The following KLHL26 variants were observed in gnomAD, a reference collection of about 807,000 sequenced individuals.
KLHL26 encodes kelch like family member 26, also known as kelch-like protein 26.
In KLHL26, 4 loss-of-function variants were observed where a neutral mutation model predicts 7.1. The observed-to-expected ratio is 0.56, with a 90% CI of 0.28 to 1.28. KLHL26 has a LOEUF of 1.28. Among genes scored for constraint, KLHL26 ranks in the 50% most tolerant of loss-of-function variants. KLHL26 has a pLI of 0.11. For missense variants in KLHL26, 896 were observed against 924.6 expected (o/e 0.97, Z 0.40); for synonymous variants, 465 against 414.1 (o/e 1.12, Z -1.49).
chr19:18,667,604 C>T, intron 2 of KLHL26, 60 bp from the exon 3 acceptor site: 1 of 1,562,346 alleles, frequency 6.4e-7, no homozygotes. Flanking sequence ...CAGATCATTC[C>T]TGGCTGGCCA....
In KLHL26 at chr19:18,650,783, C is replaced by T. The variant is rs959556413; in HGVS notation, c.84-13478C>T. ...CAGCTTGCTGACCTTTTCTGGGAGT[C>T]GTGGCGGACGGAGTGGAGCCGTCTG... is the stretch of plus-strand genomic sequence containing the variant. On this transcript the variant is annotated intron_variant, in intron 1 of 2. Coordinates refer to ENST00000300976, the MANE Select transcript of KLHL26 (RefSeq NM_018316.3). The surrounding 1 kb of genome is among the most constrained non-coding windows in gnomAD (Gnocchi z 4.2). Among the ~76,000 whole-genome samples the T allele has an allele frequency of 6.6e-6, 1 of 152,182 alleles. No individual in the cohort carries two copies. Among genetic ancestry groups the T allele is most frequent in the African/African-American group, 2.4e-5 (1 of 41,448 alleles).
chr19:18,663,399 G>C (rs1272470648), intron 1 of KLHL26, among the ~76,000 whole-genome samples: 1 of 152,228 alleles, frequency 6.6e-6, no homozygotes, highest in Non-Finnish European at 1.5e-5. Context: ...TGTGTGCCCT[G>C]TGTTTGACGT....
At chr19:18,655,648 A>G (rs1435785163) in intron 1 of KLHL26, among the ~76,000 whole-genome samples, 3 of 125,270 alleles carry the variant, frequency 2.4e-5, no homozygotes, top group Admixed American at 2.3e-4. Flanking sequence ...GAGACGCCCC[A>G]GCATTGTCAT....
chr19:18,643,597 G>T (rs1976752775), intron 1 of KLHL26, among the ~76,000 whole-genome samples: 1 of 151,408 alleles, frequency 6.6e-6, no homozygotes, highest in Non-Finnish European at 1.5e-5. Flanking sequence ...TCCTGCCTCA[G>T]CCTCCCGAGT....
At position 18,667,813 on chromosome 19, in the gene KLHL26, C is replaced by T. The variant is rs1162359497; in HGVS notation, c.416C>T (p.Ala139Val). The change falls in exon 3 of 3, where the codon GCG (alanine) becomes GTG (valine). Residue 139 changes from alanine (A) to valine (V), a missense_variant. Ala to Val is a moderately conservative substitution (Grantham distance 64). Coordinates refer to ENST00000300976, the MANE Select transcript of KLHL26 (RefSeq NM_018316.3). The part of the protein sequence containing the change: ...DLDCVQDVLG[A>V]AVFLQMLPVV... ...GACTGCGTGCAGGACGTGCTGGGCG[C>T]GGCCGTGTTCTTGCAGATGCTGCCC... is the stretch of plus-strand genomic sequence containing the variant. The T allele has an allele frequency of 6.2e-6, 10 of 1,613,214 alleles. 1 individual carries two copies. The East Asian group carries it at 6.7e-5, about 11-fold the overall frequency.
intron 1 of KLHL26, among the ~76,000 whole-genome samples, chr19:18,647,943 C>A (rs1976834457): frequency 6.6e-6 from 1 of 152,196 alleles, no homozygotes; most frequent in Admixed American, 6.5e-5. Context: ...GACAGATGGA[C>A]CCTGCCCATG....
At chr19:18,645,265 G>A (rs1253931843) in intron 1 of KLHL26, among the ~76,000 whole-genome samples, 1 of 152,236 alleles carries the variant, frequency 6.6e-6, no homozygotes, top group East Asian at 1.9e-4. Context: ...GTGTCGCAAG[G>A]GGAGGCAAAC....
chr19:18,664,707 G>A (rs948686797), intron 2 of KLHL26, among the ~76,000 whole-genome samples: 5 of 151,830 alleles, frequency 3.3e-5, no homozygotes, highest in Admixed American at 6.6e-5. Flanking sequence ...TCAGCCTCCC[G>A]AGTAGCTGGG....
At chr19:18,638,777 C>G (rs531598855) in intron 1 of KLHL26, among the ~76,000 whole-genome samples, 1 of 151,754 alleles carries the variant, frequency 6.6e-6, no homozygotes, top group African/African-American at 2.4e-5. Flanking sequence ...CAAGGCTCAC[C>G]GCAGCCTCAA....
intron 1 of KLHL26, among the ~76,000 whole-genome samples, chr19:18,657,122 T>TTTGTCTCTGGGTCTCTGTCTCC (rs2052342590): frequency 6.6e-6 from 1 of 150,788 alleles, no homozygotes; most frequent in African/African-American, 2.4e-5. Flanking sequence ...TCTCTGTCCC[T>TTTGTCTCTGGGTCTCTGTCTCC]TTGTCTCTGG....
chr19:18,641,632 C>CT (rs11365552), intron 1 of KLHL26, among the ~76,000 whole-genome samples: 73 of 129,964 alleles, frequency 5.6e-4, no homozygotes, highest in Non-Finnish European at 8.5e-4. Flanking sequence ...TTTCTTTTTT[C>CT]TTTTTTTTTT....
At position 18,668,684 on chromosome 19, in the gene KLHL26, C is replaced by G. The variant is rs765264737; in HGVS notation, c.1287C>G (p.Ser429=). The G allele has an allele frequency of 6.3e-7, 1 of 1,575,002 alleles. No individual in the cohort carries two copies. Among genetic ancestry groups the G allele is most frequent in the South Asian group, 1.1e-5 (1 of 88,234 alleles). Residue 429 remains serine (S), a synonymous_variant, in exon 3 of 3, where the codon TCC becomes TCG. Coordinates refer to ENST00000300976, the MANE Select transcript of KLHL26 (RefSeq NM_018316.3). ...GCAACCGAGCCGGCAGCCTGGCCTC[C>G]GTGGAGCGGTACTGCCCCCGGCGCA... ...GGRNRAGSLA[S]VERYCPRRNE... is the part of the protein sequence containing the mutation.
intron 1 of KLHL26, among the ~76,000 whole-genome samples, chr19:18,639,476 C>G (rs1976676402): frequency 3.4e-5 from 4 of 116,358 alleles, no homozygotes; most frequent in Non-Finnish European, 6.6e-5. Flanking sequence ...GTAGTGTGAT[C>G]TCGGCTCACT....
At chr19:18,665,647 G>C (rs184858522) in intron 2 of KLHL26, among the ~76,000 whole-genome samples, 2 of 152,366 alleles carry the variant, frequency 1.3e-5, no homozygotes, top group African/African-American at 4.8e-5. Context: ...GGCACTGTCT[G>C]TCTGTCCCTG....
At chr19:18,639,800 C>A (rs1240539833) in intron 1 of KLHL26, among the ~76,000 whole-genome samples, 1 of 152,044 alleles carries the variant, frequency 6.6e-6, no homozygotes, top group Non-Finnish European at 1.5e-5. Context: ...CAAAGAGTTC[C>A]CCCAAGCTCG....
intron 2 of KLHL26, chr19:18,667,447 AC>A (rs2052460218): frequency 2.9e-6 from 2 of 691,554 alleles, no homozygotes; most frequent in African/African-American, 3.6e-5. Flanking sequence ...CTCATGATCC[AC>A]CCGCCTGGGC....
rs369203718 is a variant in KLHL26, at chr19:18,650,850, C to T, written c.84-13411C>T. 2.0e-5 allele frequency among the ~76,000 whole-genome samples: 3 copies of T among 152,288 alleles called. No individual in the cohort carries two copies. The highest frequency in any genetic ancestry group is 7.2e-5 in the African/African-American group (3 of 41,562). On this transcript the variant is annotated intron_variant, in intron 1 of 2. Transcript: ENST00000300976. This position sits in a 1 kb window ranked among gnomAD's most constrained non-coding sequence, Gnocchi z 4.2. ...CGGGGCTGCGGCTGGGGATGGCCGC[C>T]GCCCACTCGCCCTCAGAATGGCCCT...
chr19:18,645,918 G>A (rs1976794492), intron 1 of KLHL26, among the ~76,000 whole-genome samples: 2 of 151,990 alleles, frequency 1.3e-5, no homozygotes, highest in African/African-American at 4.8e-5. Flanking sequence ...TGCGCCCGGT[G>A]GGTTTGTCAC....
In KLHL26 at chr19:18,669,289, C is replaced by A; in HGVS notation, c.*44C>A. The A allele has an allele frequency of 1.3e-6, 2 of 1,500,202 alleles. No individual in the cohort carries two copies. The highest frequency in any genetic ancestry group is 1.8e-6 in the Non-Finnish European group (2 of 1,099,512). The allele number at this position is 1,500,202 out of a possible 1,614,324, so 92.9% of individuals were successfully genotyped here. A position where few individuals can be genotyped will look rare whatever the true frequency, so the allele number is the denominator to read the frequency against. ...CCCTGGCCTGACCGCATGTTGTCTC[C>A]AAGTGGGGCTTGGCGAATGCACGTC... On this transcript the variant is annotated 3_prime_UTR_variant, in exon 3 of 3. Transcript: ENST00000300976.
Sources: allele counts gnomAD v4.1 joint callset (sites outside exome capture counted in the v4.1 genomes callset), GRCh38; gene constraint gnomAD v4.1.1; non-coding constraint Gnocchi (gnomAD v3.1); transcripts MANE v1.5; gene names NCBI Gene and HGNC (gene_info 2026-07-23, HGNC 2026-07-21).